CEP63: variants seen among roughly 807,000 people sequenced by gnomAD.
The protein encoded by CEP63 is centrosomal protein of 63 kDa.
CEP63 carries 84 observed loss-of-function variants against 89.1 expected under a neutral mutation model. That is an observed-to-expected ratio of 0.94 (90% CI 0.79 to 1.13). The LOEUF is 1.13. CEP63 is among the 50% of genes most tolerant of loss of function. The pLI is 0.00. For missense variants in CEP63, 838 were observed against 813.3 expected (o/e 1.03, Z -0.37); for synonymous variants, 267 against 272.5 (o/e 0.98, Z 0.20).
chr3:134,593,692 C>G, the CEP63 span, among the ~76,000 whole-genome samples: 1 of 152,220 alleles, frequency 6.6e-6, no homozygotes, highest in Admixed American at 6.5e-5. Context: ...CCTGACCACA[C>G]AAGACAGATT....
At chr3:134,544,034 C>T (rs1952640929) in intron 6 of CEP63, among the ~76,000 whole-genome samples, 1 of 151,294 alleles carries the variant, frequency 6.6e-6, no homozygotes, top group Non-Finnish European at 1.5e-5. Context: ...TCTATCTCTT[C>T]ACCTCTCTCC....
the CEP63 span, chr3:134,627,886 C>T: frequency 3.2e-6 from 4 of 1,257,604 alleles, no homozygotes; most frequent in East Asian, 9.3e-5. Context: ...ACTGATGACT[C>T]ACCTTCTGGT....
chr3:134,663,135 A>T, the CEP63 span, among the ~76,000 whole-genome samples: 3 of 152,154 alleles, frequency 2.0e-5, no homozygotes, highest in Non-Finnish European at 4.4e-5. Context: ...TGTGCCCCAG[A>T]TACAGGCCCC....
chr3:134,747,691 A>G, the CEP63 span, among the ~76,000 whole-genome samples: 1 of 152,174 alleles, frequency 6.6e-6, no homozygotes, highest in Non-Finnish European at 1.5e-5. Flanking sequence ...GCAACTCTGA[A>G]GTGTAGTCTG....
intron 8 of CEP63, 28 bp downstream of exon 8, chr3:134,546,316 C>A: frequency 6.3e-7 from 1 of 1,594,198 alleles, no homozygotes; most frequent in African/African-American, 1.3e-5. Context: ...TATTATTCAT[C>A]TTAGCCACTT....
At chr3:134,682,355 A>T in the CEP63 span, among the ~76,000 whole-genome samples, 1 of 152,180 alleles carries the variant, frequency 6.6e-6, no homozygotes, top group Non-Finnish European at 1.5e-5. Context: ...AGATGTTCAC[A>T]TCGGTTACCA....
chr3:134,637,377 G>A, the CEP63 span, among the ~76,000 whole-genome samples: 2 of 152,284 alleles, frequency 1.3e-5, no homozygotes, highest in Admixed American at 6.5e-5. Context: ...TTTAAAGTGA[G>A]TGCTAAGTGG....
chr3:134,650,822 T>C, the CEP63 span: 1 of 1,581,890 alleles, frequency 6.3e-7, no homozygotes, highest in Non-Finnish European at 8.6e-7. Context: ...GGGCGCGCGT[T>C]ACCTCCTCCG....
At chr3:134,707,739 C>CTTTTTTTTTTTTTTTTTTTT in the CEP63 span, among the ~76,000 whole-genome samples, 1 of 120,456 alleles carries the variant, frequency 8.3e-6, no homozygotes, top group Non-Finnish European at 1.7e-5. Context: ...TGATTCTTTT[C>CTTTTTTTTTTTTTTTTTTTT]TTTTTTTTTT....
chr3:134,715,922 C>T, the CEP63 span, among the ~76,000 whole-genome samples: 1 of 152,086 alleles, frequency 6.6e-6, no homozygotes, highest in Non-Finnish European at 1.5e-5. Flanking sequence ...AATTAAGCTC[C>T]TAAAACCAGA....
chr3:134,559,454 A>G, intron 14 of CEP63, 25 bp downstream of exon 14: 1 of 1,598,254 alleles, frequency 6.3e-7, no homozygotes, highest in South Asian at 1.1e-5. Flanking sequence ...TGATCTTAGT[A>G]ATTTGTTAGT....
chr3:134,523,357 C>T (rs1439156267), intron 3 of CEP63, among the ~76,000 whole-genome samples: 1 of 152,124 alleles, frequency 6.6e-6, no homozygotes, highest in African/African-American at 2.4e-5. Flanking sequence ...GTTGTTCACT[C>T]TGTTGATAGT....
the CEP63 span, among the ~76,000 whole-genome samples, chr3:134,674,947 A>G: frequency 1.3e-5 from 2 of 152,334 alleles, no homozygotes; most frequent in African/African-American, 2.4e-5. Flanking sequence ...CATGGATTGA[A>G]AGATTTCATA....
At chr3:134,765,643 A>G in the CEP63 span, among the ~76,000 whole-genome samples, 2 of 152,206 alleles carry the variant, frequency 1.3e-5, no homozygotes, top group Non-Finnish European at 2.9e-5. Flanking sequence ...ATGGTGTCAT[A>G]TGGAAACTGG....
the CEP63 span, among the ~76,000 whole-genome samples, chr3:134,657,078 G>T: frequency 6.6e-6 from 1 of 152,130 alleles, no homozygotes; most frequent in Non-Finnish European, 1.5e-5. Flanking sequence ...ACCTGAAACT[G>T]GGAAGAAAAA....
the CEP63 span, among the ~76,000 whole-genome samples, chr3:134,745,743 C>G: frequency 6.6e-6 from 1 of 151,134 alleles, no homozygotes; most frequent in Non-Finnish European, 1.5e-5. Flanking sequence ...TCCAAGTGTT[C>G]TCATTGTTCA....
the CEP63 span, among the ~76,000 whole-genome samples, chr3:134,648,904 G>A: frequency 2.0e-5 from 3 of 152,204 alleles, no homozygotes; most frequent in Non-Finnish European, 2.9e-5. Flanking sequence ...GAGGAGAAAG[G>A]AGGAGATACC....
chr3:134,630,915 A>G, the CEP63 span, among the ~76,000 whole-genome samples: 1 of 152,244 alleles, frequency 6.6e-6, no homozygotes, highest in Non-Finnish European at 1.5e-5. Context: ...AAGAAGATAT[A>G]AAGGAGAAGT....
At position 134,550,218 on chromosome 3, in the gene CEP63, A is replaced by G. The variant is rs1954499831; in HGVS notation, c.1338A>G (p.Arg446=). The G allele has an allele frequency of 6.2e-7, 1 of 1,614,192 alleles. No individual in the cohort carries two copies. Among genetic ancestry groups the G allele is most frequent in the Non-Finnish European group, 8.5e-7 (1 of 1,180,016 alleles). Residue 446 remains arginine (R), a synonymous_variant, in exon 11 of 15, where the codon AGA becomes AGG. Transcript: ENST00000675561. ...CCTCAGACATGGAAAAGCGACTCAG[A>G]GCAGAGATGCAAAAGGCAGAAGACA... ...GSSSDMEKRL[R]AEMQKAEDKA... is the part of the protein sequence containing the mutation.
Sources: gnomAD v4.1 joint callset for allele counts (sites outside exome capture counted in the v4.1 genomes callset) on GRCh38, gnomAD v4.1.1 for gene constraint, MANE v1.5 for transcripts, NCBI Gene and HGNC (gene_info 2026-07-23, HGNC 2026-07-21) for gene names.